The following GDA variants were observed in gnomAD, a reference collection of about 807,000 sequenced individuals.
GDA encodes the protein cytoplasmic PSD-95 interactor.
A neutral mutation model predicts 59.6 loss-of-function variants in GDA; 18 were observed. The observed-to-expected ratio is 0.30, with a 90% CI of 0.21 to 0.45. GDA has a LOEUF of 0.45. Ranked by LOEUF, GDA falls within the 20% of genes least tolerant of loss-of-function variation. GDA has a pLI of 1.00. For synonymous variants in GDA, 201 were observed against 201.1 expected, an observed-to-expected ratio of 1.00 and a Z score of 0.00; for missense variants, 427 against 552.3, an observed-to-expected ratio of 0.77 and a Z score of 2.27.
At chr9:72,154,755 A>G (rs1444045997) in intron 1 of GDA, among the ~76,000 whole-genome samples, 1 of 152,202 alleles carries the variant, frequency 6.6e-6, no homozygotes. Flanking sequence ...TTGAATTAGT[A>G]TGGGGCAAAG....
intron 3 of GDA, among the ~76,000 whole-genome samples, chr9:72,204,149 T>A (rs1379329433): frequency 6.6e-6 from 1 of 152,158 alleles, no homozygotes; most frequent in Non-Finnish European, 1.5e-5. Flanking sequence ...TTGCCTCACG[T>A]AATTATAAAT....
At chr9:72,212,280 A>T (rs1835476041) in intron 4 of GDA, among the ~76,000 whole-genome samples, 1 of 152,108 alleles carries the variant, frequency 6.6e-6, no homozygotes, top group South Asian at 2.1e-4. Flanking sequence ...CGGGAGATTG[A>T]GACCATCCTG....
At chr9:72,124,796 G>A (rs1157043173) in intron 1 of GDA, among the ~76,000 whole-genome samples, 1 of 152,110 alleles carries the variant, frequency 6.6e-6, no homozygotes, top group African/African-American at 2.4e-5. Flanking sequence ...TTTTAGTAGA[G>A]ATGGGGTTTC....
chr9:72,236,925 G>A (rs559820069), intron 10 of GDA, among the ~76,000 whole-genome samples: 11 of 151,866 alleles, frequency 7.2e-5, no homozygotes, highest in Admixed American at 1.3e-4. Flanking sequence ...GATTACAGGC[G>A]TGCACCACCA....
At chr9:72,177,272 A>AT (rs1475856772) in intron 1 of GDA, among the ~76,000 whole-genome samples, 1 of 151,586 alleles carries the variant, frequency 6.6e-6, no homozygotes, top group Non-Finnish European at 1.5e-5. Context: ...AACTTTTTGT[A>AT]TTTTTAGTAG....
At chr9:72,228,284 A>C in intron 9 of GDA, 1 of 447,182 alleles carries the variant, frequency 2.2e-6, no homozygotes, top group East Asian at 4.2e-5. Flanking sequence ...TGTACAAAAA[A>C]AGGACAATAG....
Position 72,198,846 on chromosome 9 carries a change from GAT to G in GDA, c.212+3272_212+3273del, listed in dbSNP as rs141544036. Among the ~76,000 whole-genome samples, 12 of 128,538 alleles carry G rather than the reference GAT, an allele frequency of 9.3e-5. No homozygotes were observed. The East Asian group carries it at 1.5e-3, about 16-fold the overall frequency. The allele number at this position is 128,538 out of a possible 152,430, so 84.3% of individuals were successfully genotyped here. On this transcript the variant is annotated intron_variant, in intron 2 of 13. Coordinates refer to ENST00000358399, the MANE Select transcript of GDA (RefSeq NM_004293.5). ...ATGTTCTGATAAGCATATATAGGGG[GAT>G]ATATATATATATAAAATTTTTTTTG...
intron 1 of GDA, among the ~76,000 whole-genome samples, chr9:72,165,118 C>T (rs1829134233): frequency 6.6e-6 from 1 of 152,116 alleles, no homozygotes; most frequent in Non-Finnish European, 1.5e-5. Flanking sequence ...CACTTGTGCT[C>T]ATATTCCTGT....
chr9:72,130,944 G>A (rs1014036944), intron 1 of GDA, among the ~76,000 whole-genome samples: 2 of 152,138 alleles, frequency 1.3e-5, no homozygotes, highest in African/African-American at 2.4e-5. Context: ...TCCATTGGAT[G>A]TACACCCTGG....
chr9:72,245,112 T>C, intron 11 of GDA, 36 bp from the exon 12 acceptor site: 1 of 1,610,788 alleles, frequency 6.2e-7, no homozygotes, highest in South Asian at 1.1e-5. Context: ...TCTGATGGCT[T>C]GCAATCCTGA....
At chr9:72,202,377 T>G (rs1324300269) in intron 2 of GDA, among the ~76,000 whole-genome samples, 194 bp from the exon 3 acceptor site, 1 of 152,184 alleles carries the variant, frequency 6.6e-6, no homozygotes, top group African/African-American at 2.4e-5. Context: ...CTAGAAGCTA[T>G]ATCTCTCCTA....
At chr9:72,145,618 T>TAGCCTGAGGTTTTGGCTATGCCTG (rs1826599214), upstream of GDA, among the ~76,000 whole-genome samples, 1 of 152,204 alleles carries the variant, frequency 6.6e-6, no homozygotes, top group Non-Finnish European at 1.5e-5. Flanking sequence ...TGCTATGGTC[T>TAGCCTGAGGTTTTGGCTATGCCTG]AGGTTTTGGC....
At chr9:72,150,339 A>ACG (rs201062068) in intron 1 of GDA, among the ~76,000 whole-genome samples, 1 of 150,146 alleles carries the variant, frequency 6.7e-6, no homozygotes, top group Admixed American at 6.6e-5. Context: ...ACACACACGC[A>ACG]CGCACACACA....
rs746898915 is a variant in GDA, at chr9:72,202,727, A to G, written c.369A>G (p.Val123=). 1.2e-6 allele frequency: 2 copies of G among 1,612,760 alleles called. No homozygotes were observed. The highest frequency in any genetic ancestry group is 2.2e-5 in the East Asian group (1 of 44,868). The change falls in exon 3 of 14, where the codon GTA becomes GTG. Residue 123 remains valine (V), a synonymous_variant. Coordinates refer to ENST00000358399, the MANE Select transcript of GDA (RefSeq NM_004293.5). ...RFQNIDFAEE[V]YTRVVRRTLK... ...AGAACATCGACTTTGCAGAAGAAGT[A>G]TATACCAGAGTTGTCGTAAGTATCT...
upstream of GDA, among the ~76,000 whole-genome samples, chr9:72,147,950 G>A (rs985727449): frequency 1.3e-5 from 2 of 152,108 alleles, no homozygotes; most frequent in South Asian, 2.1e-4. Context: ...TGGTTCTGAC[G>A]GTTTTCCTGA....
chr9:72,129,413 A>G (rs2130608106), intron 1 of GDA, among the ~76,000 whole-genome samples: 1 of 152,234 alleles, frequency 6.6e-6, no homozygotes, highest in South Asian at 2.1e-4. Context: ...TGGCATCCTG[A>G]GTTTGCTCGC....
At chr9:72,147,860 G>A (rs1359850041), upstream of GDA, among the ~76,000 whole-genome samples, 1 of 152,202 alleles carries the variant, frequency 6.6e-6, no homozygotes, top group Non-Finnish European at 1.5e-5. Context: ...GTGACAAGGA[G>A]CAGGGACAAG....
At chr9:72,141,776 A>G (rs1049843913) in intron 1 of GDA, among the ~76,000 whole-genome samples, 1 of 152,148 alleles carries the variant, frequency 6.6e-6, no homozygotes, top group Non-Finnish European at 1.5e-5. Flanking sequence ...GGAAAAACCA[A>G]TCCTTCTCTG....
At chr9:72,183,316 C>T (rs150244962) in intron 1 of GDA, among the ~76,000 whole-genome samples, 9 of 152,228 alleles carry the variant, frequency 5.9e-5, no homozygotes, top group African/African-American at 2.2e-4. Context: ...CTTGCCCATT[C>T]CACCTGCCTC....
Sources: allele counts gnomAD v4.1 joint callset (sites outside exome capture counted in the v4.1 genomes callset), GRCh38; gene constraint gnomAD v4.1.1; transcripts MANE v1.5; gene names NCBI Gene and HGNC (gene_info 2026-07-23, HGNC 2026-07-21).